Variants in UBE2W observed in about 807,000 individuals in gnomAD.
UBE2W encodes ubiquitin conjugating enzyme E2 W.
A neutral mutation model predicts 27.2 loss-of-function variants in UBE2W; 18 were observed. The ratio of observed to expected loss-of-function variants is 0.66; its 90% CI spans 0.46 to 0.98. The LOEUF (loss-of-function observed/expected upper bound fraction) is 0.98, where lower values mean the gene tolerates loss of function less well. UBE2W is among the 50% of genes least tolerant of loss of function. The pLI, the probability that UBE2W is intolerant of heterozygous loss-of-function variation, is 0.00. For missense variants in UBE2W, 90 were observed against 180.2 expected (o/e 0.50, Z 2.87); for synonymous variants, 53 against 57.2 (o/e 0.93, Z 0.33).
rs1471988490 is a variant in UBE2W, at chr8:73,786,655, T to C, written c.*7447A>G. On this transcript the variant is annotated 3_prime_UTR_variant, in exon 6 of 6. Transcript: ENST00000602593. ...TAGCAGACGGCAGTGGAAGCTTGCATTGCTACTGCTTATGAAACAAGGTTT... is the reference window on the plus strand; with the variant it reads ...TAGCAGACGGCAGTGGAAGCTTGCACTGCTACTGCTTATGAAACAAGGTTT... 4.1e-6 allele frequency: 4 copies of C among 985,348 alleles called. No individual in the cohort carries two copies. Among genetic ancestry groups the C allele is most frequent in the Non-Finnish European group, 3.6e-6 (3 of 829,970 alleles). The allele number at this position is 985,348 out of a possible 1,614,324, so 61.0% of individuals were successfully genotyped here. A position where few individuals can be genotyped will look rare whatever the true frequency, so the allele number is the denominator to read the frequency against.
chr8:73,818,479 C>T (rs781179190), intron 3 of UBE2W, among the ~76,000 whole-genome samples: 22 of 152,194 alleles, frequency 1.4e-4, no homozygotes, highest in Non-Finnish European at 2.6e-4. Flanking sequence ...TGCTCAAAAC[C>T]TTCCAAAGGC....
chr8:73,847,318 T>C (rs1810853559), intron 1 of UBE2W, among the ~76,000 whole-genome samples: 2 of 152,190 alleles, frequency 1.3e-5, no homozygotes, highest in Admixed American at 6.5e-5. Context: ...CAATAAGTAA[T>C]GGTTAACACT....
rs572579828 is a variant in UBE2W at position 73,847,060 on chromosome 8, T to C, written c.16-16588A>G. ...GGCACGCACCTGTAATCCCAGCTAC[T>C]TGGGAGGCTGAGGCAGGAGAATTGC... On this transcript the variant is annotated intron_variant, in intron 1 of 5. Coordinates refer to ENST00000602593, the MANE Select transcript of UBE2W (RefSeq NM_018299.6). 1.5e-4 allele frequency among the ~76,000 whole-genome samples: 23 copies of C among 151,794 alleles called. 1 individual carries two copies. In the South Asian group the frequency reaches 3.7e-3, roughly 25 times the overall value.
At chr8:73,843,516 G>A (rs1810634387) in intron 1 of UBE2W, among the ~76,000 whole-genome samples, 1 of 152,016 alleles carries the variant, frequency 6.6e-6, no homozygotes, top group African/African-American at 2.4e-5. Context: ...TGCACCTGTA[G>A]TCCTAGCTAC....
At chr8:73,796,459 G>C (rs73322651) in intron 5 of UBE2W, 4,786 of 164,506 alleles carry the variant, frequency 0.029, 231 homozygotes, top group African/African-American at 0.1. Flanking sequence ...TAGCACAAAT[G>C]CATCTTTATT....
At position 73,793,196 on chromosome 8, in the gene UBE2W, T is replaced by A. The variant is rs763704593; in HGVS notation, c.*906A>T. 7.9e-5 allele frequency: 78 copies of A among 985,750 alleles called. No homozygotes were observed. The highest frequency in any genetic ancestry group is 9.3e-5 in the Non-Finnish European group (77 of 829,920). 61.1% of individuals were successfully genotyped at this position (985,750 alleles called of 1,614,324 possible). A position where few individuals can be genotyped will look rare whatever the true frequency, so the allele number is the denominator to read the frequency against. On this transcript the variant is annotated 3_prime_UTR_variant, in exon 6 of 6. Transcript: ENST00000602593. ...AGTGTTTAGGCAGTAGGGCTCATGC[T>A]GATGGCTAGCAGGAAGTTAACAGAG...
chr8:73,843,460 A>G (rs1810631637), intron 1 of UBE2W, among the ~76,000 whole-genome samples: 2 of 152,102 alleles, frequency 1.3e-5, no homozygotes, highest in African/African-American at 4.8e-5. Context: ...CAGCGAGACC[A>G]CATCTCTACA....
At chr8:73,835,558 T>C (rs1181832762) in intron 1 of UBE2W, among the ~76,000 whole-genome samples, 2 of 152,082 alleles carry the variant, frequency 1.3e-5, no homozygotes, top group Non-Finnish European at 2.9e-5. Flanking sequence ...GCCTGACTAA[T>C]ATGGTGAAAA....
At position 73,786,629 on chromosome 8, in the gene UBE2W, T is replaced by A; in HGVS notation, c.*7473A>T. The A allele has an allele frequency of 1.0e-6, 1 of 985,458 alleles. No individual in the cohort carries two copies. The highest frequency in any genetic ancestry group is 1.2e-6 in the Non-Finnish European group (1 of 829,960). The allele number at this position is 985,458 out of a possible 1,614,324, so 61.0% of individuals were successfully genotyped here. A position where few individuals can be genotyped will look rare whatever the true frequency, so the allele number is the denominator to read the frequency against. On this transcript the variant is annotated 3_prime_UTR_variant, in exon 6 of 6. Coordinates refer to ENST00000602593, the MANE Select transcript of UBE2W (RefSeq NM_018299.6). The stretch of plus-strand genomic sequence containing the variant: ...ATGAACATTCTAGGAGGGAAGAACA[T>A]TAGCAGACGGCAGTGGAAGCTTGCA...
intron 5 of UBE2W, chr8:73,796,729 T>C (rs1241804357): frequency 2.4e-5 from 21 of 862,618 alleles, no homozygotes; most frequent in African/African-American, 5.5e-5. Flanking sequence ...ACTTTAAGTA[T>C]AGATACAACT....
chr8:73,847,694 G>A (rs1810874151), intron 1 of UBE2W, among the ~76,000 whole-genome samples: 1 of 152,066 alleles, frequency 6.6e-6, no homozygotes, highest in East Asian at 1.9e-4. Context: ...CCGAGGTCAG[G>A]AGTTCAAGAC....
At chr8:73,873,172 G>C (rs1029173270) in intron 1 of UBE2W, among the ~76,000 whole-genome samples, 8 of 152,134 alleles carry the variant, frequency 5.3e-5, no homozygotes, top group Non-Finnish European at 1.0e-4. Context: ...GCCTCCCAAA[G>C]TGCTGGGATT....
At chr8:73,876,875 G>A (rs183665294) in intron 1 of UBE2W, among the ~76,000 whole-genome samples, 1 of 152,168 alleles carries the variant, frequency 6.6e-6, no homozygotes, top group African/African-American at 2.4e-5. Flanking sequence ...GCTGAGGTGG[G>A]AGAATCGCTT....
chr8:73,795,632 T>TG (rs1299784596), intron 5 of UBE2W, among the ~76,000 whole-genome samples: 5 of 152,338 alleles, frequency 3.3e-5, no homozygotes, highest in African/African-American at 1.2e-4. Context: ...ACTTCTAAGC[T>TG]GGGCAAACTC....
intron 1 of UBE2W, among the ~76,000 whole-genome samples, chr8:73,876,485 A>G (rs899269686): frequency 6.6e-5 from 10 of 152,198 alleles, no homozygotes; most frequent in African/African-American, 1.9e-4. Flanking sequence ...AGACTTTTCA[A>G]TAAATATAGG....
intron 2 of UBE2W, among the ~76,000 whole-genome samples, chr8:73,827,926 G>A (rs1809918394): frequency 6.6e-6 from 1 of 152,268 alleles, no homozygotes; most frequent in Middle Eastern, 3.4e-3. Flanking sequence ...ATCACCCAGT[G>A]ATAACCACTG....
At position 73,828,839 on chromosome 8, in the gene UBE2W, G is replaced by A. The variant is rs537548813; in HGVS notation, c.107+1542C>T. Among the ~76,000 whole-genome samples, 10 of 152,098 alleles carry A rather than the reference G, an allele frequency of 6.6e-5. No homozygotes were observed. The South Asian group carries it at 2.1e-3, about 32-fold the overall frequency. On this transcript the variant is annotated intron_variant, in intron 2 of 5. Coordinates refer to ENST00000602593, the MANE Select transcript of UBE2W (RefSeq NM_018299.6). ...TATTGTTGACTATAGTCACCCTGTTGTGCTCTCAAATACTAGATCTTCTTC... is the reference window on the plus strand; with the variant it reads ...TATTGTTGACTATAGTCACCCTGTTATGCTCTCAAATACTAGATCTTCTTC...
At position 73,791,746 on chromosome 8, in the gene UBE2W, C is replaced by T; in HGVS notation, c.*2356G>A. On this transcript the variant is annotated 3_prime_UTR_variant, in exon 6 of 6. Coordinates refer to ENST00000602593, the MANE Select transcript of UBE2W (RefSeq NM_018299.6). ...TTATGAATTTTAAATGTCTGTGCTC[C>T]TATATTTTAGGATATTTCATCTTAT... 2 of 984,952 alleles carry T rather than the reference C, an allele frequency of 2.0e-6. No homozygotes were observed. The highest frequency in any genetic ancestry group is 5.2e-4 in the Middle Eastern group (1 of 1,914). 61.0% of individuals were successfully genotyped at this position (984,952 alleles called of 1,614,324 possible). A position where few individuals can be genotyped will look rare whatever the true frequency, so the allele number is the denominator to read the frequency against.
At position 73,807,711 on chromosome 8, in the gene UBE2W, A is replaced by G. The variant is rs1248786181; in HGVS notation, c.367-1985T>C. On this transcript the variant is annotated intron_variant, in intron 4 of 5. Transcript: ENST00000602593. ...GCAGATACTTTCACAAACTCATTTT[A>G]TGTATATGTTGATTAGAACCCAAGA... Among the ~76,000 whole-genome samples the G allele has an allele frequency of 3.9e-5, 6 of 152,214 alleles. 1 individual carries two copies. The highest frequency in any genetic ancestry group is 3.9e-4 in the Admixed American group (6 of 15,274).
Sources: allele counts gnomAD v4.1 joint callset (sites outside exome capture counted in the v4.1 genomes callset), GRCh38; gene constraint gnomAD v4.1.1; transcripts MANE v1.5; gene names NCBI Gene and HGNC (gene_info 2026-07-23, HGNC 2026-07-21).